The following RNF152 variants were observed in gnomAD, a reference collection of about 807,000 sequenced individuals.
The protein encoded by RNF152 is ring finger protein 152, also known as E3 ubiquitin-protein ligase RNF152.
A neutral mutation model predicts 12.7 loss-of-function variants in RNF152; 11 were observed. That is an observed-to-expected ratio of 0.86 (90% CI 0.54 to 1.43). The LOEUF (loss-of-function observed/expected upper bound fraction) is 1.43, where lower values mean the gene tolerates loss of function less well. RNF152 is among the 40% of genes most tolerant of loss of function. RNF152 has a pLI of 0.00. For synonymous variants in RNF152, 113 were observed against 120.3 expected (o/e 0.94, Z 0.40); for missense variants, 255 against 274.8 (o/e 0.93, Z 0.51).
At chr18:61,823,042 C>T (rs1471333426) in intron 1 of RNF152, among the ~76,000 whole-genome samples, 1 of 152,204 alleles carries the variant, frequency 6.6e-6, no homozygotes, top group African/African-American at 2.4e-5. Flanking sequence ...AATGGGAATG[C>T]CCGGTGACAG....
chr18:61,823,522 C>A (rs545451760), intron 1 of RNF152, among the ~76,000 whole-genome samples: 32 of 152,344 alleles, frequency 2.1e-4, no homozygotes, highest in African/African-American at 7.2e-4. Context: ...TGGTCTCGAA[C>A]TCCTGACTTC....
chr18:61,819,242 A>C (rs1909261948), intron 1 of RNF152, among the ~76,000 whole-genome samples: 1 of 152,254 alleles, frequency 6.6e-6, no homozygotes, highest in African/African-American at 2.4e-5. Context: ...CACTCTCCCC[A>C]GACCCAACCA....
chr18:61,867,467 A>G (rs1405193980), intron 1 of RNF152, among the ~76,000 whole-genome samples: 1 of 151,372 alleles, frequency 6.6e-6, no homozygotes, highest in Non-Finnish European at 1.5e-5. Flanking sequence ...AAAAAAAGAG[A>G]TGACAAACTG....
chr18:61,822,437 T>A (rs1196148093), intron 1 of RNF152, among the ~76,000 whole-genome samples: 1 of 152,234 alleles, frequency 6.6e-6, no homozygotes, highest in Non-Finnish European at 1.5e-5. Context: ...TAAAATTTCT[T>A]TTTAAAAACT....
intron 1 of RNF152, among the ~76,000 whole-genome samples, chr18:61,844,089 A>C (rs1171233182): frequency 7.3e-5 from 7 of 96,330 alleles, no homozygotes; most frequent in African/African-American, 2.3e-4. Flanking sequence ...AAAGAAAGAA[A>C]GAAAGAAAGA....
At chr18:61,867,904 G>A (rs747377819) in intron 1 of RNF152, among the ~76,000 whole-genome samples, 13 of 152,058 alleles carry the variant, frequency 8.5e-5, no homozygotes, top group Admixed American at 2.0e-4. Flanking sequence ...TACACAAAAC[G>A]CACATAAAAA....
chr18:61,828,935 G>A (rs1319627096), intron 1 of RNF152, among the ~76,000 whole-genome samples: 2 of 152,078 alleles, frequency 1.3e-5, no homozygotes, highest in African/African-American at 4.8e-5. Flanking sequence ...ACTGGAAGAA[G>A]GAGCACCTAT....
At chr18:61,823,397 G>T (rs900589368) in intron 1 of RNF152, among the ~76,000 whole-genome samples, 1 of 152,194 alleles carries the variant, frequency 6.6e-6, no homozygotes, top group Non-Finnish European at 1.5e-5. Flanking sequence ...TTGGGTCCAG[G>T]CTATTCTCCT....
intron 1 of RNF152, among the ~76,000 whole-genome samples, chr18:61,839,636 C>T (rs1460627482): frequency 1.3e-5 from 2 of 152,168 alleles, no homozygotes. Flanking sequence ...TGGCTCACCC[C>T]TGTAATCCCA....
chr18:61,825,947 T>G (rs529110177), intron 1 of RNF152, among the ~76,000 whole-genome samples: 2 of 152,316 alleles, frequency 1.3e-5, no homozygotes, highest in South Asian at 4.1e-4. Context: ...CCCATTATAT[T>G]TTATCTATGT....
intron 1 of RNF152, among the ~76,000 whole-genome samples, chr18:61,863,325 C>T (rs1486995983): frequency 2.6e-5 from 4 of 151,558 alleles, no homozygotes; most frequent in Non-Finnish European, 5.9e-5. Context: ...GTCCCAGCTA[C>T]TCGGGAGGCT....
intron 1 of RNF152, among the ~76,000 whole-genome samples, chr18:61,870,086 C>T (rs1911918923): frequency 6.6e-6 from 1 of 152,140 alleles, no homozygotes; most frequent in Non-Finnish European, 1.5e-5. Flanking sequence ...TATTCCAAAC[C>T]TCACGCTCTC....
intron 1 of RNF152, among the ~76,000 whole-genome samples, chr18:61,871,639 G>A (rs1912001898): frequency 6.6e-6 from 1 of 152,122 alleles, no homozygotes; most frequent in Admixed American, 6.5e-5. Context: ...TGCAGGTTGT[G>A]GGATTGTATG....
chr18:61,829,510 T>G (rs547427635), intron 1 of RNF152, among the ~76,000 whole-genome samples: 44,920 of 145,790 alleles, frequency 0.31, 7,059 homozygotes, highest in Non-Finnish European at 0.35. Flanking sequence ...GAGAGATATA[T>G]ATATATCAGG....
Position 61,844,192 on chromosome 18 carries a change from AG to A in RNF152, c.-135-27595del, listed in dbSNP as rs750106219. Among the ~76,000 whole-genome samples the A allele has an allele frequency of 3.8e-3, 176 of 46,852 alleles. 3 individuals are homozygous for A. Among genetic ancestry groups the A allele is most frequent in the Middle Eastern group, 0.031 (3 of 96 alleles). The allele number at this position is 46,852 out of a possible 152,430, so 30.7% of individuals were successfully genotyped here. A position where few individuals can be genotyped will look rare whatever the true frequency, so the allele number is the denominator to read the frequency against. On this transcript the variant is annotated intron_variant, in intron 1 of 1. Transcript: ENST00000312828. ...AAGGGAGGAAGAGAGGAAGGAAGGA[AG>A]GGAAGGAGGGAGGGAAGGAGGGAGG... is the stretch of plus-strand genomic sequence containing the variant.
At chr18:61,885,050 C>T (rs1599328147) in intron 1 of RNF152, among the ~76,000 whole-genome samples, 1 of 152,270 alleles carries the variant, frequency 6.6e-6, no homozygotes, top group African/African-American at 2.4e-5. Flanking sequence ...CACCTCTTTA[C>T]CTGCATGGTT....
intron 1 of RNF152, among the ~76,000 whole-genome samples, chr18:61,870,159 T>C (rs1055509563): frequency 1.2e-4 from 18 of 152,190 alleles, no homozygotes; most frequent in Non-Finnish European, 2.9e-5. Flanking sequence ...TTATCACGAA[T>C]ACCCTGCTTT....
At chr18:61,876,751 C>A (rs1912232300) in intron 1 of RNF152, among the ~76,000 whole-genome samples, 1 of 152,144 alleles carries the variant, frequency 6.6e-6, no homozygotes. Context: ...TCTACTCTAC[C>A]CCGTAGGATT....
intron 1 of RNF152, among the ~76,000 whole-genome samples, chr18:61,823,711 G>A (rs1441536673): frequency 6.6e-6 from 1 of 152,236 alleles, no homozygotes; most frequent in Non-Finnish European, 1.5e-5. Flanking sequence ...GGGACAGAGA[G>A]AATAATACTG....
Sources: allele counts gnomAD v4.1 joint callset (sites outside exome capture counted in the v4.1 genomes callset), GRCh38; gene constraint gnomAD v4.1.1; transcripts MANE v1.5; gene names NCBI Gene and HGNC (gene_info 2026-07-23, HGNC 2026-07-21).